The following ACAN variants were observed in gnomAD, a reference collection of about 807,000 sequenced individuals.
ACAN encodes the protein aggrecan, also known as aggrecan core protein.
In ACAN, 47 loss-of-function variants were observed where a neutral mutation model predicts 169.1. The ratio of observed to expected loss-of-function variants is 0.28; its 90% CI spans 0.22 to 0.35. ACAN has a LOEUF of 0.35. ACAN is among the 10% of genes least tolerant of loss of function. ACAN has a pLI of 1.00. For missense variants in ACAN, 2,716 were observed against 2,759.9 expected, an observed-to-expected ratio of 0.98 and a Z score of 0.36; for synonymous variants, 1,115 against 1,112.2, an observed-to-expected ratio of 1.00 and a Z score of -0.05.
At chr15:88,809,464 C>T (rs1337925741) in intron 1 of ACAN, among the ~76,000 whole-genome samples, 1 of 152,182 alleles carries the variant, frequency 6.6e-6, no homozygotes, top group Non-Finnish European at 1.5e-5. Flanking sequence ...TGTGGGGGTG[C>T]CTTGAAGCCG....
rs747182944 is a variant in ACAN, at chr15:88,871,475, G to A, written c.7154G>A (p.Arg2385Gln). ...GAGACCTGGGTGGATGCTGAGCGCCGGTGTCGGGAGCAGCAGTCACACCTG... is the reference window on the plus strand; with the variant it reads ...GAGACCTGGGTGGATGCTGAGCGCCAGTGTCGGGAGCAGCAGTCACACCTG... ...DRETWVDAER[R>Q]CREQQSHLSS... Residue 2385 changes from arginine (R) to glutamine (Q), a missense_variant, in exon 15 of 19, where the codon CGG (arginine) becomes CAG (glutamine). Around this residue, in one of 3 missense-constraint regions of ACAN, gnomAD observed 1,389 missense variants for 1,363.7 expected, o/e 1.02. Transcript: ENST00000560601. The surrounding 1 kb of genome is among the most constrained non-coding windows in gnomAD (Gnocchi z 7.8). 4.6e-5 allele frequency: 75 copies of A among 1,613,740 alleles called. No homozygotes were observed. In the Middle Eastern group the frequency reaches 6.6e-4, roughly 14 times the overall value.
Position 88,858,129 on chromosome 15 carries a change from A to C in ACAN, c.5544A>C (p.Glu1848Asp), listed in dbSNP as rs1438593382. 1.2e-6 allele frequency: 2 copies of C among 1,613,856 alleles called. No individual in the cohort carries two copies. The highest frequency in any genetic ancestry group is 3.3e-5 in the Admixed American group (2 of 60,014). The change falls in exon 12 of 19, where the codon GAA (glutamate) becomes GAC (aspartate). Residue 1848 changes from glutamate to aspartate, a missense_variant. By Grantham distance (45) the Glu-to-Asp change is conservative. Coordinates refer to ENST00000560601, the MANE Select transcript of ACAN (RefSeq NM_001369268.1). The surrounding 1 kb of genome is among the most constrained non-coding windows in gnomAD (Gnocchi z 4.0). The part of the protein sequence containing the change: ...EVAPTTFKEE[E>D]GLGSVELSGL... Reference sequence around the variant, plus strand: ...CCCCTACTACATTTAAAGAAGAAGAAGGCTTAGGGTCTGTGGAACTCAGTG... The same window carrying C: ...CCCCTACTACATTTAAAGAAGAAGACGGCTTAGGGTCTGTGGAACTCAGTG...
rs995483050 is a variant in ACAN at position 88,845,759 on chromosome 15, A to T, written c.1306A>T (p.Thr436Ser). 3 of 1,610,946 alleles carry T rather than the reference A, an allele frequency of 1.9e-6. No individual in the cohort carries two copies. The highest frequency in any genetic ancestry group is 1.7e-5 in the Admixed American group (1 of 59,802). Residue 436 changes from threonine (T) to serine (S), a missense_variant, in exon 7 of 19, where the codon ACT becomes TCT. Physicochemically the swap from Thr to Ser is moderately conservative, Grantham distance 58 (BLOSUM62 1). Around this residue, in one of 3 missense-constraint regions of ACAN, gnomAD observed 1,283 missense variants for 1,281.5 expected, o/e 1.00. Coordinates refer to ENST00000560601, the MANE Select transcript of ACAN (RefSeq NM_001369268.1). ...TGCCTTCGCTGAGGTTGAGAATGAGACTGGAGAGGCCACCAGGCCCTGGGG... is the reference window on the plus strand; with the variant it reads ...TGCCTTCGCTGAGGTTGAGAATGAGTCTGGAGAGGCCACCAGGCCCTGGGG... ...ATAFAEVENE[T>S]GEATRPWGFP... is the part of the protein sequence containing the mutation.
chr15:88,824,548 A>C (rs1466470138), intron 1 of ACAN, among the ~76,000 whole-genome samples: 1 of 152,188 alleles, frequency 6.6e-6, no homozygotes, highest in Non-Finnish European at 1.5e-5. Context: ...TGAAACAGAC[A>C]GTGAACAAAC....
rs917868421 is a variant in ACAN at position 88,866,073 on chromosome 15, C to A, written c.6947-2143C>A. Among the ~76,000 whole-genome samples the A allele has an allele frequency of 6.6e-6, 1 of 152,156 alleles. No individual in the cohort carries two copies. Among genetic ancestry groups the A allele is most frequent in the African/African-American group, 2.4e-5 (1 of 41,436 alleles). Reference sequence around the variant, plus strand: ...CCCCGCAGCCTTCTCAGATTTTGTGCCCTGGTCAAACACAGAAAGAAAGCA... The same window carrying A: ...CCCCGCAGCCTTCTCAGATTTTGTGACCTGGTCAAACACAGAAAGAAAGCA... On this transcript the variant is annotated intron_variant, in intron 13 of 18. Coordinates refer to ENST00000560601, the MANE Select transcript of ACAN (RefSeq NM_001369268.1). This position sits in a 1 kb window ranked among gnomAD's most constrained non-coding sequence, Gnocchi z 5.6.
intron 4 of ACAN, 38 bp from the exon 5 acceptor site, chr15:88,841,702 C>G (rs747412026): frequency 6.2e-7 from 1 of 1,612,910 alleles, no homozygotes; most frequent in Non-Finnish European, 8.5e-7. Context: ...TTCCCTTTGT[C>G]CCCTGAGTGT....
In ACAN at chr15:88,860,378, G is replaced by C. The variant is rs1897170033; in HGVS notation, c.6885G>C (p.Glu2295Asp). ...EEPCGAGTCK[E>D]TEGHVICLCP... Reference sequence around the variant, plus strand: ...CCTGTGGAGCTGGGACCTGCAAGGAGACAGAGGGACACGTCATATGCCTGT... The same window carrying C: ...CCTGTGGAGCTGGGACCTGCAAGGACACAGAGGGACACGTCATATGCCTGT... Residue 2295 changes from glutamate (E) to aspartate (D), a missense_variant, in exon 13 of 19, where the codon GAG becomes GAC. Physicochemically the swap from Glu to Asp is conservative, Grantham distance 45. Coordinates refer to ENST00000560601, the MANE Select transcript of ACAN (RefSeq NM_001369268.1). The C allele has an allele frequency of 3.7e-6, 6 of 1,613,638 alleles. No individual in the cohort carries two copies. Among genetic ancestry groups the C allele is most frequent in the Middle Eastern group, 3.3e-4 (2 of 6,052 alleles).
In ACAN at chr15:88,803,441, C is replaced by G. The variant is rs1044321992; in HGVS notation, c.-376C>G. ...ACAGCGCGCCATGCCCGCCCGCCCG[C>G]CCACCTACCTCCCCGCCGCTCCAGA... On this transcript the variant is annotated 5_prime_UTR_variant, in exon 1 of 19. Coordinates refer to ENST00000560601, the MANE Select transcript of ACAN (RefSeq NM_001369268.1). 7.0e-6 allele frequency: 1 copy of G among 143,546 alleles called. No individual in the cohort carries two copies. The highest frequency in any genetic ancestry group is 2.6e-5 in the African/African-American group (1 of 38,868). 8.9% of individuals were successfully genotyped at this position (143,546 alleles called of 1,614,324 possible).
intron 1 of ACAN, among the ~76,000 whole-genome samples, chr15:88,815,409 A>G (rs1895913564): frequency 6.6e-6 from 1 of 151,988 alleles, no homozygotes; most frequent in South Asian, 2.1e-4. Context: ...AAATATAAAA[A>G]TTAACTGGGT....
chr15:88,849,877 GCA>G lies in ACAN; in HGVS notation c.2026+149_2026+150del. ...TGGGGCAGAGCCAGCTCTGAAACCAGCACAACGCAGGCTTTGACCCCAAGGCA... is the reference window on the plus strand; with the variant it reads ...TGGGGCAGAGCCAGCTCTGAAACCAGCAACGCAGGCTTTGACCCCAAGGCA... On this transcript the variant is annotated intron_variant, in intron 10 of 18. Coordinates refer to ENST00000560601, the MANE Select transcript of ACAN (RefSeq NM_001369268.1). The surrounding 1 kb of genome is among the most constrained non-coding windows in gnomAD (Gnocchi z 5.1). The G allele has an allele frequency of 8.5e-7, 1 of 1,177,588 alleles. No homozygotes were observed. Among genetic ancestry groups the G allele is most frequent in the Non-Finnish European group, 1.2e-6 (1 of 815,994 alleles). 72.9% of individuals were successfully genotyped at this position (1,177,588 alleles called of 1,614,324 possible). A position where few individuals can be genotyped will look rare whatever the true frequency, so the allele number is the denominator to read the frequency against.
chr15:88,835,643 A>T (rs1896483812), intron 1 of ACAN, among the ~76,000 whole-genome samples: 1 of 152,212 alleles, frequency 6.6e-6, no homozygotes, highest in African/African-American at 2.4e-5. Flanking sequence ...AGATGTTTCA[A>T]TTCAAGTCCA....
intron 1 of ACAN, among the ~76,000 whole-genome samples, chr15:88,813,838 G>A (rs1167622805): frequency 1.3e-5 from 2 of 152,134 alleles, no homozygotes; most frequent in African/African-American, 4.8e-5. Flanking sequence ...TCAGCCACTA[G>A]GGTCCACACT....
Position 88,847,248 on chromosome 15 carries a change from G to A in ACAN, c.1435G>A (p.Val479Ile), listed in dbSNP as rs369608360. The A allele has an allele frequency of 3.5e-5, 54 of 1,545,292 alleles. No individual in the cohort carries two copies. Among genetic ancestry groups the A allele is most frequent in the East Asian group, 2.9e-4 (12 of 40,828 alleles). Residue 479 changes from valine to isoleucine, a missense_variant, in exon 8 of 19, where the codon GTC (valine) becomes ATC (isoleucine). Physicochemically the swap from Val to Ile is conservative, Grantham distance 29 (BLOSUM62 3). Around this residue, in one of 3 missense-constraint regions of ACAN, gnomAD observed 1,283 missense variants for 1,281.5 expected, o/e 1.00. Transcript: ENST00000560601. ...PGQPHLPGGV[V>I]FHYRPGPTRY... ...GCTCCCTCCTCCCCACCCAGGGGTC[G>A]TCTTCCACTACCGCCCGGGACCCAC...
chr15:88,813,707 C>G (rs1209536004), intron 1 of ACAN, among the ~76,000 whole-genome samples: 1 of 152,218 alleles, frequency 6.6e-6, no homozygotes, highest in Admixed American at 6.5e-5. Flanking sequence ...CCGCAGGGTC[C>G]TAGCACCTCT....
In ACAN at chr15:88,868,336, C is replaced by T; in HGVS notation, c.7060+7C>T. On this transcript the variant is annotated splice_region_variant and intron_variant, in intron 14 of 18. Transcript: ENST00000560601. This position sits in a 1 kb window ranked among gnomAD's most constrained non-coding sequence, Gnocchi z 5.2. ...GGGGACCTGTGTGAGATTGGTACGG[C>T]CGTCTTGGCTTCAGCTAATGTTACT... is the stretch of plus-strand genomic sequence containing the variant. The T allele has an allele frequency of 1.4e-6, 1 of 702,464 alleles. No homozygotes were observed. The highest frequency in any genetic ancestry group is 2.6e-6 in the Non-Finnish European group (1 of 384,664). 43.5% of individuals were successfully genotyped at this position (702,464 alleles called of 1,614,324 possible). A position where few individuals can be genotyped will look rare whatever the true frequency, so the allele number is the denominator to read the frequency against.
intron 1 of ACAN, among the ~76,000 whole-genome samples, chr15:88,821,897 C>G (rs191996009): frequency 1.3e-5 from 2 of 152,290 alleles, no homozygotes; most frequent in African/African-American, 4.8e-5. Context: ...CAAAAGGATA[C>G]AGATGAAAAT....
rs1897310986 is a variant in ACAN, at chr15:88,868,190, T to C, written c.6947-26T>C. On this transcript the variant is annotated intron_variant, in intron 13 of 18. Transcript: ENST00000560601. This position sits in a 1 kb window ranked among gnomAD's most constrained non-coding sequence, Gnocchi z 5.2. ...AGGCTGGAGTTGCCGGCAGGAGTCCTAATGGTGGCCCTTGGTTTCTTGCAG... is the reference window on the plus strand; with the variant it reads ...AGGCTGGAGTTGCCGGCAGGAGTCCCAATGGTGGCCCTTGGTTTCTTGCAG... The C allele has an allele frequency of 2.9e-6, 2 of 700,432 alleles. No individual in the cohort carries two copies. The highest frequency in any genetic ancestry group is 3.5e-5 in the African/African-American group (2 of 57,202). The allele number at this position is 700,432 out of a possible 1,614,324, so 43.4% of individuals were successfully genotyped here. A position where few individuals can be genotyped will look rare whatever the true frequency, so the allele number is the denominator to read the frequency against.
At chr15:88,832,375 C>CA (rs1320715251) in intron 1 of ACAN, among the ~76,000 whole-genome samples, 2 of 150,648 alleles carry the variant, frequency 1.3e-5, no homozygotes, top group Non-Finnish European at 2.9e-5. Flanking sequence ...TTTGGGAGGC[C>CA]AAAGTGGGTG....
intron 1 of ACAN, among the ~76,000 whole-genome samples, chr15:88,804,874 T>C (rs1445992258): frequency 1.3e-5 from 2 of 152,072 alleles, no homozygotes; most frequent in Admixed American, 6.5e-5. Context: ...AGGAGGAAAA[T>C]ACAAAGCTGA....
Sources: allele counts gnomAD v4.1 joint callset (sites outside exome capture counted in the v4.1 genomes callset), GRCh38; gene constraint gnomAD v4.1.1; regional missense constraint gnomAD v4.1.1; non-coding constraint Gnocchi (gnomAD v3.1); transcripts MANE v1.5; gene names NCBI Gene and HGNC (gene_info 2026-07-23, HGNC 2026-07-21).